The following SMAD3 variants were observed in gnomAD, a reference collection of about 807,000 sequenced individuals.
The protein encoded by SMAD3 is MAD homolog 3.
Under a neutral mutation model 51.8 loss-of-function variants are expected in SMAD3, and 12 were observed. The observed-to-expected ratio is 0.23, with a 90% CI of 0.15 to 0.38. The LOEUF (loss-of-function observed/expected upper bound fraction) is 0.38, where lower values mean the gene tolerates loss of function less well. Among genes scored for constraint, SMAD3 ranks in the 10% least tolerant of loss-of-function variants. The probability of loss-of-function intolerance (pLI) is 1.00; values close to 1 mark genes in which losing one functional copy is unlikely to be tolerated. For missense variants in SMAD3, 294 were observed against 565.6 expected, an observed-to-expected ratio of 0.52 and a Z score of 4.87; for synonymous variants, 238 against 227.7, an observed-to-expected ratio of 1.05 and a Z score of -0.41.
intron 8 of SMAD3, 118 bp from the exon 9 acceptor site, chr15:67,190,295 G>A (rs905066642): frequency 4.5e-5 from 43 of 957,866 alleles, no homozygotes; most frequent in African/African-American, 3.0e-4. Flanking sequence ...CTAGGACAGC[G>A]TCTAACAGCA....
At chr15:67,074,539 GA>G (rs776748684) in intron 1 of SMAD3, among the ~76,000 whole-genome samples, 1 of 152,242 alleles carries the variant, frequency 6.6e-6, no homozygotes, top group African/African-American at 2.4e-5. Context: ...ACTAGGAAAT[GA>G]AAAGTGAGTT....
intron 1 of SMAD3, among the ~76,000 whole-genome samples, chr15:67,091,996 T>A (rs1014044338): frequency 6.6e-6 from 1 of 152,180 alleles, no homozygotes; most frequent in East Asian, 1.9e-4. Context: ...GAGCCCAGGG[T>A]TGGGGTCACC....
chr15:67,122,196 G>C lies in SMAD3; in HGVS notation c.207-42699G>C, dbSNP rs961509132. 3.3e-5 allele frequency among the ~76,000 whole-genome samples: 5 copies of C among 152,368 alleles called. No homozygotes were observed. The East Asian group carries it at 7.7e-4, about 23-fold the overall frequency. ...AGTTGACCACTTAGAAGAATGAACA[G>C]ATGAAACCTTTTCATTTTACACATG... On this transcript the variant is annotated intron_variant, in intron 1 of 8. Coordinates refer to ENST00000327367, the MANE Select transcript of SMAD3 (RefSeq NM_005902.4).
intron 1 of SMAD3, among the ~76,000 whole-genome samples, chr15:67,100,163 A>G (rs1221087146): frequency 2.0e-5 from 3 of 147,274 alleles, no homozygotes; most frequent in Non-Finnish European, 4.5e-5. Context: ...CCTGGGCAAC[A>G]AGAGCGAAAC....
chr15:67,178,156 C>T (rs1336706991), intron 5 of SMAD3, among the ~76,000 whole-genome samples: 1 of 152,220 alleles, frequency 6.6e-6, no homozygotes, highest in African/African-American at 2.4e-5. Context: ...CTCAGATCTG[C>T]TTGGGAGGGC....
At chr15:67,183,596 G>A (rs369692566) in intron 6 of SMAD3, among the ~76,000 whole-genome samples, 2 of 152,162 alleles carry the variant, frequency 1.3e-5, no homozygotes, top group African/African-American at 4.8e-5. Flanking sequence ...CGGTCACCTC[G>A]TGTTCATCCT....
intron 1 of SMAD3, among the ~76,000 whole-genome samples, chr15:67,077,452 G>A (rs769053455): frequency 2.0e-5 from 3 of 152,196 alleles, no homozygotes; most frequent in Admixed American, 6.5e-5. Flanking sequence ...AAAAAGTGGA[G>A]CAGAGAGCTG....
rs117459897 is a variant in SMAD3 at position 67,188,513 on chromosome 15, C to T, written c.1154+1004C>T. On this transcript the variant is annotated intron_variant, in intron 8 of 8. Transcript: ENST00000327367. ...GCTTGGTTGAATCTCTCAGGCCATCCTGCTTTGGGTTTAGAGAATCCAGTC... is the reference window on the plus strand; with the variant it reads ...GCTTGGTTGAATCTCTCAGGCCATCTTGCTTTGGGTTTAGAGAATCCAGTC... Among the ~76,000 whole-genome samples the T allele has an allele frequency of 1.4e-4, 21 of 152,250 alleles. No homozygotes were observed. The East Asian group carries it at 2.7e-3, about 20-fold the overall frequency.
intron 1 of SMAD3, chr15:67,098,946 T>C (rs1960684911): frequency 1.4e-6 from 1 of 702,278 alleles, no homozygotes; most frequent in African/African-American, 1.7e-5. Context: ...GATGGGACAG[T>C]GTTCTGAAAT....
intron 7 of SMAD3, chr15:67,187,001 C>G (rs1224523622): frequency 4.3e-6 from 2 of 469,346 alleles, no homozygotes; most frequent in Non-Finnish European, 4.2e-6. Context: ...CTCTCTGTCC[C>G]CTGGTCCCTT....
At chr15:67,067,842 C>T (rs902612666) in intron 1 of SMAD3, among the ~76,000 whole-genome samples, 2 of 152,032 alleles carry the variant, frequency 1.3e-5, no homozygotes, top group African/African-American at 4.8e-5. Flanking sequence ...TCAGAGAGAC[C>T]TGGGATTTGG....
chr15:67,075,828 T>C (rs961673523), intron 1 of SMAD3, among the ~76,000 whole-genome samples: 1 of 151,864 alleles, frequency 6.6e-6, no homozygotes, highest in African/African-American at 2.4e-5. Context: ...GACAGGAGAA[T>C]TGCTTGAACC....
intron 1 of SMAD3, among the ~76,000 whole-genome samples, chr15:67,070,994 T>G (rs1235097212): frequency 6.6e-6 from 1 of 152,192 alleles, no homozygotes; most frequent in African/African-American, 2.4e-5. Context: ...AGTCCTTCGT[T>G]GAGAACATAC....
At chr15:67,075,558 CA>C (rs1040500227) in intron 1 of SMAD3, among the ~76,000 whole-genome samples, 3 of 152,162 alleles carry the variant, frequency 2.0e-5, no homozygotes, top group Non-Finnish European at 4.4e-5. Context: ...TACTTTGCTT[CA>C]ACTTATTGAG....
chr15:67,076,995 G>A (rs1436118483), intron 1 of SMAD3, among the ~76,000 whole-genome samples: 1 of 152,170 alleles, frequency 6.6e-6, no homozygotes, highest in African/African-American at 2.4e-5. Context: ...GTGGTGCTAG[G>A]GGTGGGCTGA....
intron 1 of SMAD3, among the ~76,000 whole-genome samples, chr15:67,097,512 C>G (rs1023344628): frequency 6.6e-6 from 1 of 152,018 alleles, no homozygotes; most frequent in Non-Finnish European, 1.5e-5. Flanking sequence ...CCCAAAGTGC[C>G]GGGATTACAG....
chr15:67,150,685 A>G (rs1320205884), intron 1 of SMAD3, among the ~76,000 whole-genome samples: 2 of 151,830 alleles, frequency 1.3e-5, no homozygotes, highest in East Asian at 3.9e-4. Context: ...AATGACTAAG[A>G]GTCCTGTAAT....
At chr15:67,072,789 C>G (rs1334456226) in intron 1 of SMAD3, among the ~76,000 whole-genome samples, 2 of 152,174 alleles carry the variant, frequency 1.3e-5, no homozygotes, top group Non-Finnish European at 2.9e-5. Context: ...TCAGTCTTCC[C>G]ATCTTCAAGC....
chr15:67,115,056 G>C (rs914114959), intron 1 of SMAD3, among the ~76,000 whole-genome samples: 7 of 152,128 alleles, frequency 4.6e-5, no homozygotes, highest in Non-Finnish European at 1.0e-4. Context: ...ATCATCTAGG[G>C]TCACCCTGTT....
Sources: allele counts gnomAD v4.1 joint callset (sites outside exome capture counted in the v4.1 genomes callset), GRCh38; gene constraint gnomAD v4.1.1; transcripts MANE v1.5; gene names NCBI Gene and HGNC (gene_info 2026-07-23, HGNC 2026-07-21).